The following DAB1 variants were observed in gnomAD, a reference collection of about 807,000 sequenced individuals.
The protein encoded by DAB1 is DAB adaptor protein 1.
A neutral mutation model predicts 64.6 loss-of-function variants in DAB1; 15 were observed. The observed-to-expected ratio is 0.23, with a 90% CI of 0.16 to 0.36. The LOEUF is 0.36. Ranked by LOEUF, DAB1 falls within the 10% of genes least tolerant of loss-of-function variation. The pLI, the probability that DAB1 is intolerant of heterozygous loss-of-function variation, is 1.00. For synonymous variants in DAB1, 235 were observed against 251.9 expected (o/e 0.93, Z 0.64); for missense variants, 596 against 706.7 (o/e 0.84, Z 1.78).
chr1:58,021,613 T>C (rs1646816101), intron 5 of DAB1, among the ~76,000 whole-genome samples: 1 of 152,000 alleles, frequency 6.6e-6, no homozygotes, highest in Non-Finnish European at 1.5e-5. Context: ...GTACCTACAG[T>C]TGGAAAAATG....
chr1:57,334,491 T>C (rs1303251859), intron 1 of DAB1, among the ~76,000 whole-genome samples: 3 of 152,226 alleles, frequency 2.0e-5, no homozygotes. Flanking sequence ...ACTTAATAAA[T>C]GGTAGTTAAC....
intron 1 of DAB1, among the ~76,000 whole-genome samples, chr1:57,396,790 A>G (rs1329454861): frequency 6.6e-6 from 1 of 152,184 alleles, no homozygotes; most frequent in Admixed American, 6.5e-5. Flanking sequence ...TGACTATAAG[A>G]ACTTGTTAGT....
At chr1:57,462,349 C>T (rs1686812882) in intron 7 of DAB1, among the ~76,000 whole-genome samples, 1 of 152,268 alleles carries the variant, frequency 6.6e-6, no homozygotes. Flanking sequence ...TGTCACCTCT[C>T]TAGGCCTTTG....
chr1:58,372,982 T>A (rs545397576), intron 3 of DAB1, among the ~76,000 whole-genome samples: 73 of 152,204 alleles, frequency 4.8e-4, no homozygotes, highest in African/African-American at 1.7e-3. Flanking sequence ...TACACACACA[T>A]GCACACAAGA....
intron 4 of DAB1, among the ~76,000 whole-genome samples, chr1:57,082,076 C>T (rs1210218075): frequency 1.3e-5 from 2 of 152,198 alleles, no homozygotes; most frequent in Admixed American, 1.3e-4. Context: ...TAGCTACTTA[C>T]TATCTAGCTA....
At chr1:58,338,605 A>C (rs1261922333) in intron 4 of DAB1, among the ~76,000 whole-genome samples, 1 of 152,240 alleles carries the variant, frequency 6.6e-6, no homozygotes, top group East Asian at 1.9e-4. Flanking sequence ...ATATCCATGA[A>C]TAAGACAGAC....
chr1:58,254,469 T>G (rs58012594), intron 4 of DAB1, among the ~76,000 whole-genome samples: 51,090 of 125,376 alleles, frequency 0.41, 11,111 homozygotes, highest in East Asian at 0.62. Context: ...TGTATACATG[T>G]GCCATGCTGG....
At chr1:57,577,308 G>C (rs952041281) in intron 7 of DAB1, among the ~76,000 whole-genome samples, 1 of 151,974 alleles carries the variant, frequency 6.6e-6, no homozygotes, top group Non-Finnish European at 1.5e-5. Context: ...CCATTTTATA[G>C]ATAAAGACAT....
At chr1:57,666,810 T>C (rs957033575) in intron 6 of DAB1, among the ~76,000 whole-genome samples, 3 of 150,350 alleles carry the variant, frequency 2.0e-5, no homozygotes, top group Non-Finnish European at 4.4e-5. Flanking sequence ...TCCTTCAGCA[T>C]ATTCTCAACA....
chr1:57,583,119 C>T (rs1645333422), intron 7 of DAB1, among the ~76,000 whole-genome samples: 1 of 152,040 alleles, frequency 6.6e-6, no homozygotes, highest in South Asian at 2.1e-4. Context: ...AACTGCCTAC[C>T]CTACAGTTCT....
At chr1:57,518,654 G>T (rs748617659) in intron 7 of DAB1, among the ~76,000 whole-genome samples, 1 of 152,116 alleles carries the variant, frequency 6.6e-6, no homozygotes, top group African/African-American at 2.4e-5. Context: ...GCAAGCTCTC[G>T]TGTGTCCTGC....
chr1:57,459,432 C>T (rs1686707857), intron 7 of DAB1, among the ~76,000 whole-genome samples: 1 of 152,068 alleles, frequency 6.6e-6, no homozygotes, highest in East Asian at 1.9e-4. Flanking sequence ...TTATAATTTC[C>T]TTGGGATATT....
chr1:58,445,120 T>C (rs1645051510), intron 3 of DAB1, among the ~76,000 whole-genome samples: 1 of 152,190 alleles, frequency 6.6e-6, no homozygotes, highest in African/African-American at 2.4e-5. Context: ...CAATGACAAT[T>C]GGTCACCCTA....
chr1:57,247,801 T>C (rs184409329), intron 2 of DAB1, among the ~76,000 whole-genome samples: 260 of 152,300 alleles, frequency 1.7e-3, no homozygotes, highest in African/African-American at 5.9e-3. Context: ...GGATGCTCTT[T>C]TATGCCCATT....
chr1:58,536,152 A>G (rs1488640663), intron 1 of DAB1, among the ~76,000 whole-genome samples: 1 of 152,186 alleles, frequency 6.6e-6, no homozygotes, highest in Non-Finnish European at 1.5e-5. Context: ...AGTAAAGCCA[A>G]GCAATGGGCG....
At chr1:57,521,010 C>T (rs1644519769) in intron 7 of DAB1, among the ~76,000 whole-genome samples, 1 of 152,142 alleles carries the variant, frequency 6.6e-6, no homozygotes, top group African/African-American at 2.4e-5. Flanking sequence ...GTGTTGCACA[C>T]TGTTCTAAGC....
At chr1:57,718,470 A>C (rs910157137) in intron 6 of DAB1, among the ~76,000 whole-genome samples, 13 of 152,098 alleles carry the variant, frequency 8.5e-5, no homozygotes, top group African/African-American at 2.9e-4. Flanking sequence ...CTATCCTTAA[A>C]CTCTGTTGGT....
chr1:58,100,813 A>C (rs960963926), intron 5 of DAB1, among the ~76,000 whole-genome samples: 3 of 152,238 alleles, frequency 2.0e-5, no homozygotes, highest in Non-Finnish European at 2.9e-5. Flanking sequence ...AAGTAGGTAC[A>C]CAATAAACTT....
chr1:57,275,871 T>C (rs1413864679), intron 2 of DAB1, among the ~76,000 whole-genome samples: 3 of 151,956 alleles, frequency 2.0e-5, no homozygotes, highest in African/African-American at 4.8e-5. Flanking sequence ...AGGATGAAAA[T>C]AGAAATGAAC....
Sources: allele counts gnomAD v4.1 joint callset (sites outside exome capture counted in the v4.1 genomes callset), GRCh38; gene constraint gnomAD v4.1.1; transcripts MANE v1.5; gene names NCBI Gene and HGNC (gene_info 2026-07-23, HGNC 2026-07-21).